The following CFH variants were observed in gnomAD, a reference collection of about 807,000 sequenced individuals.
CFH encodes the protein H factor 1 (complement).
Under a neutral mutation model 147.3 loss-of-function variants are expected in CFH, and 53 were observed. That is an observed-to-expected ratio of 0.36 (90% confidence interval 0.29 to 0.45). The LOEUF is 0.45. Among genes scored for constraint, CFH ranks in the 20% least tolerant of loss-of-function variants. The probability of loss-of-function intolerance (pLI) is 1.00; values close to 1 mark genes in which losing one functional copy is unlikely to be tolerated. For synonymous variants in CFH, 536 were observed against 489.4 expected (o/e 1.10, Z -1.26); for missense variants, 1,380 against 1,498.0 (o/e 0.92, Z 1.30).
At chr1:196,676,835 T>C in intron 4 of CFH, among the ~76,000 whole-genome samples, 1 of 151,970 alleles carries the variant, frequency 6.6e-6, no homozygotes, top group Non-Finnish European at 1.5e-5. Context: ...TCACCTGGGA[T>C]GCTTGTTAAA....
chr1:196,703,783 G>C (rs1221517512), intron 9 of CFH, among the ~76,000 whole-genome samples: 1 of 151,834 alleles, frequency 6.6e-6, no homozygotes, highest in Non-Finnish European at 1.5e-5. Flanking sequence ...AGGAGATCGA[G>C]ACCATCCTGG....
chr1:196,684,504 T>C (rs1027421160), intron 6 of CFH, among the ~76,000 whole-genome samples: 2 of 152,030 alleles, frequency 1.3e-5, no homozygotes, highest in African/African-American at 4.8e-5. Flanking sequence ...AACATCATTT[T>C]TTTTCATGTC....
chr1:196,708,317 C>A (rs995453888), intron 9 of CFH, among the ~76,000 whole-genome samples: 11 of 152,168 alleles, frequency 7.2e-5, no homozygotes, highest in African/African-American at 9.7e-5. Flanking sequence ...GACTACCTAT[C>A]TGCACCAGCT....
At position 196,726,552 on chromosome 1, in the gene CFH, T is replaced by C. The variant is rs766855040; in HGVS notation, c.1956T>C (p.Ser652=). ...AAACGAAAGAAGAATATGGACACAG[T>C]GAAGTGGTGGAATATTATTGCAATC... ...KEKTKEEYGH[S]EVVEYYCNPR... is the part of the protein sequence containing the mutation. Residue 652 remains serine, a synonymous_variant, in exon 13 of 22, where the codon AGT becomes AGC. Coordinates refer to ENST00000367429, the MANE Select transcript of CFH (RefSeq NM_000186.4). 1.2e-6 allele frequency: 2 copies of C among 1,612,758 alleles called. No homozygotes were observed. The highest frequency in any genetic ancestry group is 2.2e-5 in the South Asian group (2 of 91,062).
Position 196,652,170 on chromosome 1 carries a change from C to G in CFH, c.53C>G (p.Ala18Gly). 6.2e-7 allele frequency: 1 copy of G among 1,608,088 alleles called. No homozygotes were observed. Among genetic ancestry groups the G allele is most frequent in the Non-Finnish European group, 8.5e-7 (1 of 1,174,694 alleles). The change falls in exon 1 of 22, where the codon GCA becomes GGA. Residue 18 changes from alanine to glycine, a missense_variant. Physicochemically the swap from Ala to Gly is moderately conservative, Grantham distance 60. Coordinates refer to ENST00000367429, the MANE Select transcript of CFH (RefSeq NM_000186.4). The stretch of plus-strand genomic sequence containing the variant: ...CTTATGTTATGGGCTATTTGTGTAG[C>G]AGAAGGTAAGATTAAAAGAGACTCT... ...ICLMLWAICVAEDCNELPPRR... is the reference protein window; with the variant it reads ...ICLMLWAICVGEDCNELPPRR...
chr1:196,697,291 A>G (rs1668305985), intron 9 of CFH, among the ~76,000 whole-genome samples: 1 of 152,160 alleles, frequency 6.6e-6, no homozygotes, highest in Non-Finnish European at 1.5e-5. Flanking sequence ...TCTACAATGA[A>G]CTCAAACAAA....
At position 196,698,436 on chromosome 1, in the gene CFH, A is replaced by G. The variant is rs528719314; in HGVS notation, c.1336+8197A>G. ...ATACAAACTACCATCAGAGAATACTATAAACACCTCTACACAAATAAAGTA... is the reference window on the plus strand; with the variant it reads ...ATACAAACTACCATCAGAGAATACTGTAAACACCTCTACACAAATAAAGTA... On this transcript the variant is annotated intron_variant, in intron 9 of 21. Transcript: ENST00000367429. Among the ~76,000 whole-genome samples, 202 of 152,346 alleles carry G rather than the reference A, an allele frequency of 1.3e-3. 4 individuals are homozygous for G. In the South Asian group the frequency reaches 0.017, roughly 13 times the overall value.
chr1:196,684,944 A>C, intron 6 of CFH, 120 bp from the exon 7 acceptor site: 2 of 763,592 alleles, frequency 2.6e-6, no homozygotes, highest in Non-Finnish European at 4.4e-6. Flanking sequence ...GTTCATTTTA[A>C]TGCCATTTTG....
intron 11 of CFH, among the ~76,000 whole-genome samples, chr1:196,724,689 GTTC>G (rs1435712114): frequency 6.6e-6 from 1 of 150,758 alleles, no homozygotes; most frequent in Non-Finnish European, 1.5e-5. Flanking sequence ...TGTAACTTTG[GTTC>G]TTCTTTCTGA....
At chr1:196,726,088 A>G (rs1408736528) in intron 12 of CFH, among the ~76,000 whole-genome samples, 1 of 152,210 alleles carries the variant, frequency 6.6e-6, no homozygotes, top group Admixed American at 6.5e-5. Context: ...TATTCAATTC[A>G]GTTGCTTGTA....
intron 1 of CFH, among the ~76,000 whole-genome samples, chr1:196,652,492 G>A (rs1434480869): frequency 6.6e-6 from 1 of 151,600 alleles, no homozygotes; most frequent in Non-Finnish European, 1.5e-5. Flanking sequence ...TTTTGCTTAG[G>A]AGTATAACCA....
rs397832557 is a variant in CFH at position 196,747,381 on chromosome 1, T to A, written c.*68T>A. 6.2e-7 allele frequency: 1 copy of A among 1,600,096 alleles called. No homozygotes were observed. On this transcript the variant is annotated 3_prime_UTR_variant, in exon 22 of 22. Transcript: ENST00000367429. Reference sequence around the variant, plus strand: ...TAAATCAGTTCTCAATTTCATTTTTTATGTATTGTTTTACTCCTTTTTATT... The same window carrying A: ...TAAATCAGTTCTCAATTTCATTTTTAATGTATTGTTTTACTCCTTTTTATT...
At chr1:196,712,641 G>A (rs955776480) in intron 9 of CFH, among the ~76,000 whole-genome samples, 2 of 149,928 alleles carry the variant, frequency 1.3e-5, no homozygotes, top group African/African-American at 5.0e-5. Flanking sequence ...TATACTTTAA[G>A]TTTTAGGGTA....
At chr1:196,658,601 C>T (rs1308876973) in intron 1 of CFH, among the ~76,000 whole-genome samples, 1 of 151,736 alleles carries the variant, frequency 6.6e-6, no homozygotes, top group East Asian at 1.9e-4. Context: ...GTAGTAGAGA[C>T]GGAGTTTCAC....
At position 196,726,907 on chromosome 1, in the gene CFH, C is replaced by A; in HGVS notation, c.2203C>A (p.His735Asn). Reference sequence around the variant, plus strand: ...TGGACACAGATCAATTACGTGTATTCATGGAGTATGGACCCAACTTCCCCA... The same window carrying A: ...TGGACACAGATCAATTACGTGTATTAATGGAGTATGGACCCAACTTCCCCA... ...MIGHRSITCIHGVWTQLPQCV... is the reference protein window; with the variant it reads ...MIGHRSITCINGVWTQLPQCV... Residue 735 changes from histidine (H) to asparagine (N), a missense_variant, in exon 14 of 22, where the codon CAT (histidine) becomes AAT (asparagine). This residue lies in a region of CFH where 830 missense variants were observed against 821.4 expected (regional missense o/e 1.01). Transcript: ENST00000367429. 1 of 1,613,646 alleles carries A rather than the reference C, an allele frequency of 6.2e-7. No individual in the cohort carries two copies. The highest frequency in any genetic ancestry group is 8.5e-7 in the Non-Finnish European group (1 of 1,179,702).
In CFH at chr1:196,715,757, C is replaced by T; in HGVS notation, c.1684C>T (p.Pro562Ser). 1 of 1,611,870 alleles carries T rather than the reference C, an allele frequency of 6.2e-7. No individual in the cohort carries two copies. Among genetic ancestry groups the T allele is most frequent in the Non-Finnish European group, 8.5e-7 (1 of 1,178,590 alleles). ...TGGTTACAATGGTTGGTCTGATTTA[C>T]CCATATGTTATGGTAAGTACTGGTT... ...VCGYNGWSDLPICYERECELP... is the reference protein window; with the variant it reads ...VCGYNGWSDLSICYERECELP... Residue 562 changes from proline to serine, a missense_variant, in exon 11 of 22, where the codon CCC becomes TCC. Coordinates refer to ENST00000367429, the MANE Select transcript of CFH (RefSeq NM_000186.4).
rs191595874 is a variant in CFH, at chr1:196,705,145, T to C, written c.1337-8590T>C. Among the ~76,000 whole-genome samples, 314 of 152,202 alleles carry C rather than the reference T, an allele frequency of 2.1e-3. 7 individuals are homozygous for C. Among genetic ancestry groups the C allele is most frequent in the East Asian group, 0.014 (72 of 5,186 alleles). On this transcript the variant is annotated intron_variant, in intron 9 of 21. Coordinates refer to ENST00000367429, the MANE Select transcript of CFH (RefSeq NM_000186.4). ...ACTTTGCTTATATATGTTGACGGCA[T>C]ATTAGAAGCCAGCACAACTATGGCA...
chr1:196,702,468 A>G (rs1417616521), intron 9 of CFH, among the ~76,000 whole-genome samples: 4 of 151,942 alleles, frequency 2.6e-5, no homozygotes, highest in African/African-American at 9.7e-5. Context: ...CTTAATTAGA[A>G]AAATAATATG....
intron 7 of CFH, among the ~76,000 whole-genome samples, chr1:196,687,871 A>G (rs1400925733): frequency 6.6e-6 from 1 of 152,072 alleles, no homozygotes; most frequent in African/African-American, 2.4e-5. Flanking sequence ...TATAAGATAT[A>G]TGGATTGTAG....
Sources: allele counts gnomAD v4.1 joint callset (sites outside exome capture counted in the v4.1 genomes callset), GRCh38; gene constraint gnomAD v4.1.1; regional missense constraint gnomAD v4.1.1; transcripts MANE v1.5; gene names NCBI Gene and HGNC (gene_info 2026-07-23, HGNC 2026-07-21).